PPP2R5D: variants seen among roughly 807,000 people sequenced by gnomAD.
The protein encoded by PPP2R5D is serine/threonine-protein phosphatase 2A 56 kDa regulatory subunit delta isoform.
Under a neutral mutation model 79.1 loss-of-function variants are expected in PPP2R5D, and 12 were observed. The observed-to-expected ratio is 0.15, with a 90% CI of 0.10 to 0.25. The LOEUF (loss-of-function observed/expected upper bound fraction) is 0.25, where lower values mean the gene tolerates loss of function less well. Ranked by LOEUF, PPP2R5D falls within the 10% of genes least tolerant of loss-of-function variation. PPP2R5D has a pLI of 1.00. For missense variants in PPP2R5D, 419 were observed against 760.2 expected, an observed-to-expected ratio of 0.55 and a Z score of 5.28; for synonymous variants, 277 against 286.6, an observed-to-expected ratio of 0.97 and a Z score of 0.34.
Position 43,007,834 on chromosome 6 carries a change from AG to A in PPP2R5D, c.727-97del, listed in dbSNP as rs1161871951. On this transcript the variant is annotated intron_variant, in intron 6 of 15. Transcript: ENST00000485511. The surrounding 1 kb of genome is among the most constrained non-coding windows in gnomAD (Gnocchi z 4.5). ...TCTAAGACTTGCTGGCCCCCACTCC[AG>A]GGGACCTCTGCATTTCCCCTGGCGG... is the stretch of plus-strand genomic sequence containing the variant. 3.0e-5 allele frequency: 44 copies of A among 1,476,820 alleles called. No homozygotes were observed. Among genetic ancestry groups the A allele is most frequent in the Non-Finnish European group, 3.9e-5 (42 of 1,066,846 alleles). The allele number at this position is 1,476,820 out of a possible 1,614,324, so 91.5% of individuals were successfully genotyped here. A position where few individuals can be genotyped will look rare whatever the true frequency, so the allele number is the denominator to read the frequency against.
At chr6:42,998,033 A>ATATATG (rs1771857142) in intron 2 of PPP2R5D, among the ~76,000 whole-genome samples, 3 of 22,874 alleles carry the variant, frequency 1.3e-4, no homozygotes, top group Non-Finnish European at 3.5e-4. Context: ...ATATATATAT[A>ATATATG]TATATATATA....
Position 43,012,165 on chromosome 6 carries a change from C to T in PPP2R5D, c.*879C>T, listed in dbSNP as rs992550551. The T allele has an allele frequency of 1.8e-6, 2 of 1,086,200 alleles. No individual in the cohort carries two copies. The highest frequency in any genetic ancestry group is 2.2e-6 in the Non-Finnish European group (2 of 893,074). The allele number at this position is 1,086,200 out of a possible 1,614,324, so 67.3% of individuals were successfully genotyped here. On this transcript the variant is annotated 3_prime_UTR_variant, in exon 16 of 16. Transcript: ENST00000485511. ...GCCTTCTCTTGTCCCTTATAGGTAC[C>T]TTGGAGGGGCCAGGGGCTGAGGAAG...
chr6:43,011,312 A>G lies in PPP2R5D; in HGVS notation c.*26A>G. 1.2e-6 allele frequency: 2 copies of G among 1,612,716 alleles called. No individual in the cohort carries two copies. Among genetic ancestry groups the G allele is most frequent in the Non-Finnish European group, 8.5e-7 (1 of 1,179,738 alleles). ...CCCCTCACGTTCCTACCACAGGGCC[A>G]CAGCCCACACAGCCCTGGGACACTG... On this transcript the variant is annotated 3_prime_UTR_variant, in exon 16 of 16. Coordinates refer to ENST00000485511, the MANE Select transcript of PPP2R5D (RefSeq NM_006245.4).
Position 42,984,650 on chromosome 6 carries a change from G to A in PPP2R5D, c.-28G>A, listed in dbSNP as rs763097547. ...AGCCGGAGCCGGAGCGGGGCCGCAG[G>A]AGACGGGCCGGGTCCGGACGGGCCG... On this transcript the variant is annotated 5_prime_UTR_variant, in exon 1 of 16. Coordinates refer to ENST00000485511, the MANE Select transcript of PPP2R5D (RefSeq NM_006245.4). 1 of 1,592,372 alleles carries A rather than the reference G, an allele frequency of 6.3e-7. No homozygotes were observed. The highest frequency in any genetic ancestry group is 2.3e-5 in the East Asian group (1 of 43,820).
chr6:42,998,872 T>C (rs1442447037), intron 2 of PPP2R5D, among the ~76,000 whole-genome samples: 3 of 151,968 alleles, frequency 2.0e-5, no homozygotes, highest in Admixed American at 6.6e-5. Flanking sequence ...CCGTCTCTAC[T>C]GAAAATACAA....
Position 42,984,575 on chromosome 6 carries a change from G to C in PPP2R5D, c.-103G>C, listed in dbSNP as rs1422431853. The C allele has an allele frequency of 8.2e-6, 12 of 1,457,768 alleles. No individual in the cohort carries two copies. Among genetic ancestry groups the C allele is most frequent in the Non-Finnish European group, 1.1e-5 (12 of 1,107,926 alleles). 90.3% of individuals were successfully genotyped at this position (1,457,768 alleles called of 1,614,324 possible). On this transcript the variant is annotated 5_prime_UTR_variant, in exon 1 of 16. Transcript: ENST00000485511. ...AGGCACCGCTCGACCCGGGCGCAGCGCGCAGGCGGTGGCGAAGAGACGCCG... is the reference window on the plus strand; with the variant it reads ...AGGCACCGCTCGACCCGGGCGCAGCCCGCAGGCGGTGGCGAAGAGACGCCG...
At chr6:42,984,725 C>T (rs202203459) in intron 1 of PPP2R5D, 21 bp downstream of exon 1, 16 of 1,611,630 alleles carry the variant, frequency 9.9e-6, no homozygotes, top group Admixed American at 1.7e-5. Context: ...CCCTTTTTCC[C>T]CCACCGCCGC....
Position 43,012,105 on chromosome 6 carries a change from C to A in PPP2R5D, c.*819C>A. The A allele has an allele frequency of 1.4e-6, 1 of 691,186 alleles. No individual in the cohort carries two copies. Among genetic ancestry groups the A allele is most frequent in the Non-Finnish European group, 1.8e-6 (1 of 556,486 alleles). The allele number at this position is 691,186 out of a possible 1,614,324, so 42.8% of individuals were successfully genotyped here. On this transcript the variant is annotated 3_prime_UTR_variant, in exon 16 of 16. Transcript: ENST00000485511. The stretch of plus-strand genomic sequence containing the variant: ...GCCCCAAGCATGGCTCCTGCCAACA[C>A]CTATTTATTTCCTTGTTTGTGCTAT...
At chr6:42,996,095 C>T (rs570297361) in intron 2 of PPP2R5D, among the ~76,000 whole-genome samples, 33 of 146,886 alleles carry the variant, frequency 2.2e-4, no homozygotes, top group African/African-American at 7.2e-4. Flanking sequence ...CCGCCCGCCT[C>T]GGCCTCCCAA....
chr6:43,009,180 C>A lies in PPP2R5D; in HGVS notation c.1204C>A (p.Pro402Thr). 6.2e-7 allele frequency: 1 copy of A among 1,614,144 alleles called. No individual in the cohort carries two copies. The highest frequency in any genetic ancestry group is 8.5e-7 in the Non-Finnish European group (1 of 1,180,028). Residue 402 changes from proline to threonine, a missense_variant, in exon 11 of 16, where the codon CCC becomes ACC. By Grantham distance (38) the Pro-to-Thr change is conservative. Around this residue, in one of 5 missense-constraint regions of PPP2R5D, gnomAD observed 196 missense variants for 424.5 expected, o/e 0.46. Transcript: ENST00000485511. The surrounding 1 kb of genome is among the most constrained non-coding windows in gnomAD (Gnocchi z 5.6). ...TTCTGAGTTCAGCAAAGTGATGGAA[C>A]CCCTCTTCCGCCAGCTGGCCAAGTG... ...EPSEFSKVME[P>T]LFRQLAKCVS...
At position 43,006,306 on chromosome 6, in the gene PPP2R5D, A is replaced by G. The variant is rs1332127923; in HGVS notation, c.106-157A>G. On this transcript the variant is annotated intron_variant, in intron 2 of 15. Coordinates refer to ENST00000485511, the MANE Select transcript of PPP2R5D (RefSeq NM_006245.4). The surrounding 1 kb of genome is among the most constrained non-coding windows in gnomAD (Gnocchi z 4.7). ...CTGCTCCCTGCCAGGGCTACAGCAC[A>G]GTTATCTCTGTAACCCTGGCCTTAG... The G allele has an allele frequency of 1.5e-6, 2 of 1,335,620 alleles. No homozygotes were observed. The highest frequency in any genetic ancestry group is 2.0e-6 in the Non-Finnish European group (2 of 1,007,042). 82.7% of individuals were successfully genotyped at this position (1,335,620 alleles called of 1,614,324 possible).
chr6:43,006,471 GCAGCCCCAGCCC>G lies in PPP2R5D; in HGVS notation c.129_140del (p.Pro44_Gln47del). On this transcript the variant is annotated inframe_deletion, in exon 3 of 16. Transcript: ENST00000485511. The surrounding 1 kb of genome is among the most constrained non-coding windows in gnomAD (Gnocchi z 4.7). ...GTGACTTGTTTGACCAGGCCCAGCC[GCAGCCCCAGCCC>G]CAGCCCCAGCCCCAAGCCCAGTCTC... 7 of 1,612,868 alleles carry G rather than the reference GCAGCCCCAGCCC, an allele frequency of 4.3e-6. No individual in the cohort carries two copies. The South Asian group carries it at 5.5e-5, about 13-fold the overall frequency.
chr6:42,988,622 A>G (rs963155652), intron 1 of PPP2R5D, among the ~76,000 whole-genome samples: 6 of 152,312 alleles, frequency 3.9e-5, no homozygotes, highest in Admixed American at 3.9e-4. Context: ...GTCTTGGGAC[A>G]TGCCTTTGAA....
At position 42,984,656 on chromosome 6, in the gene PPP2R5D, G is replaced by GGC; in HGVS notation, c.-21_-20dup. ...AGCCGGAGCGGGGCCGCAGGAGACG[G>GGC]GCCGGGTCCGGACGGGCCGAGATGC... On this transcript the variant is annotated 5_prime_UTR_variant, in exon 1 of 16. Transcript: ENST00000485511. 6.3e-7 allele frequency: 1 copy of GGC among 1,597,202 alleles called. No individual in the cohort carries two copies. The highest frequency in any genetic ancestry group is 1.3e-5 in the African/African-American group (1 of 74,370).
Position 43,008,785 on chromosome 6 carries a change from G to A in PPP2R5D, c.1080+39G>A, listed in dbSNP as rs1264613339. 2 of 1,592,976 alleles carry A rather than the reference G, an allele frequency of 1.3e-6. No homozygotes were observed. The highest frequency in any genetic ancestry group is 8.6e-7 in the Non-Finnish European group (1 of 1,161,914). ...CGGGCCCCAAGGCCCACCTCTTACTGTCAGCATCACTTGCCAGTCTGTACC... is the reference window on the plus strand; with the variant it reads ...CGGGCCCCAAGGCCCACCTCTTACTATCAGCATCACTTGCCAGTCTGTACC... On this transcript the variant is annotated intron_variant, in intron 10 of 15. Transcript: ENST00000485511. The surrounding 1 kb of genome is among the most constrained non-coding windows in gnomAD (Gnocchi z 4.2).
Position 43,008,971 on chromosome 6 carries a change from G to T in PPP2R5D, c.1081-86G>T, listed in dbSNP as rs1762227544. The T allele has an allele frequency of 6.7e-7, 1 of 1,491,706 alleles. No individual in the cohort carries two copies. Among genetic ancestry groups the T allele is most frequent in the East Asian group, 2.3e-5 (1 of 44,116 alleles). The allele number at this position is 1,491,706 out of a possible 1,614,324, so 92.4% of individuals were successfully genotyped here. On this transcript the variant is annotated intron_variant, in intron 10 of 15. Coordinates refer to ENST00000485511, the MANE Select transcript of PPP2R5D (RefSeq NM_006245.4). The surrounding 1 kb of genome is among the most constrained non-coding windows in gnomAD (Gnocchi z 4.2). ...GATCACCCAAACTGTGCCCACCAGG[G>T]TGGGGGAGAGAGCAGGTAGGAAAAC...
intron 2 of PPP2R5D, among the ~76,000 whole-genome samples, chr6:42,996,469 T>TA (rs1232209004): frequency 1.4e-3 from 141 of 99,488 alleles, no homozygotes; most frequent in African/African-American, 4.4e-3. Flanking sequence ...GTCTCAAAAA[T>TA]AAAAAAAAAT....
chr6:42,994,105 G>T (rs1771466216), intron 2 of PPP2R5D, among the ~76,000 whole-genome samples: 1 of 152,066 alleles, frequency 6.6e-6, no homozygotes, highest in East Asian at 1.9e-4. Context: ...TCAGGAGTTC[G>T]AGACTAGCCT....
chr6:42,991,282 A>T (rs1435215176), intron 2 of PPP2R5D, among the ~76,000 whole-genome samples: 2 of 152,212 alleles, frequency 1.3e-5, no homozygotes, highest in African/African-American at 4.8e-5. Flanking sequence ...GTAACTTGAC[A>T]TTTAGAGCAG....
Sources: gnomAD v4.1 joint callset for allele counts (sites outside exome capture counted in the v4.1 genomes callset) on GRCh38, gnomAD v4.1.1 for gene constraint, gnomAD v4.1.1 regional missense constraint, Gnocchi (gnomAD v3.1) non-coding constraint, MANE v1.5 for transcripts, NCBI Gene and HGNC (gene_info 2026-07-23, HGNC 2026-07-21) for gene names.